The following KASH5 variants were observed in gnomAD, a reference collection of about 807,000 sequenced individuals.
The protein encoded by KASH5 is protein KASH5.
Under a neutral mutation model 84.2 loss-of-function variants are expected in KASH5, and 72 were observed. The observed-to-expected ratio is 0.85, with a 90% confidence interval of 0.71 to 1.04. The LOEUF (loss-of-function observed/expected upper bound fraction) is 1.04. Ranked by LOEUF, KASH5 falls within the 50% of genes least tolerant of loss-of-function variation. KASH5 has a pLI of 0.00. For synonymous variants in KASH5, 260 were observed against 279.1 expected, an observed-to-expected ratio of 0.93 and a Z score of 0.68; for missense variants, 650 against 701.0, an observed-to-expected ratio of 0.93 and a Z score of 0.82.
At chr19:49,406,826 C>T in intron 9 of KASH5, 60 bp from the exon 10 acceptor site, 1 of 1,424,928 alleles carries the variant, frequency 7.0e-7, no homozygotes, top group Non-Finnish European at 9.7e-7. Context: ...CAAATATCTG[C>T]TGTTAATTTT....
intron 12 of KASH5, among the ~76,000 whole-genome samples, chr19:49,408,666 T>C (rs564186966): frequency 2.6e-5 from 4 of 152,314 alleles, no homozygotes; most frequent in South Asian, 4.1e-4. Context: ...GCCAGGATGG[T>C]CTCGATCTCC....
Position 49,399,328 on chromosome 19 carries a change from C to T in KASH5, c.748-129C>T. Reference sequence around the variant, plus strand: ...ATCCTTCTCATGACAAAGGAGACAGCAGGAGCCATCAGGGCTTCCCAGACC... The same window carrying T: ...ATCCTTCTCATGACAAAGGAGACAGTAGGAGCCATCAGGGCTTCCCAGACC... On this transcript the variant is annotated intron_variant, in intron 8 of 19. Transcript: ENST00000447857. This position sits in a 1 kb window ranked among gnomAD's most constrained non-coding sequence, Gnocchi z 4.4. The T allele has an allele frequency of 1.0e-6, 1 of 1,000,296 alleles. No individual in the cohort carries two copies. The highest frequency in any genetic ancestry group is 1.5e-6 in the Non-Finnish European group (1 of 667,006). The allele number at this position is 1,000,296 out of a possible 1,614,324, so 62.0% of individuals were successfully genotyped here.
chr19:49,397,756 C>T (rs1181694467), intron 6 of KASH5, 39 bp downstream of exon 6: 25 of 1,601,090 alleles, frequency 1.6e-5, no homozygotes, highest in Admixed American at 3.4e-5. Context: ...CTCCTGCCCA[C>T]ACCCTGTCCC....
intron 9 of KASH5, among the ~76,000 whole-genome samples, chr19:49,401,164 G>T (rs932964999): frequency 6.6e-6 from 1 of 152,154 alleles, no homozygotes; most frequent in Non-Finnish European, 1.5e-5. Context: ...TCTGGGCTGG[G>T]ACTCTTACTC....
intron 17 of KASH5, chr19:49,415,510 T>C (rs1600962220): frequency 4.8e-6 from 1 of 207,690 alleles, no homozygotes. Context: ...TAAGGAGAGG[T>C]GAGGAGCCCT....
chr19:49,415,058 C>T (rs1469869387), intron 17 of KASH5, 62 bp downstream of exon 17: 27 of 1,483,000 alleles, frequency 1.8e-5, no homozygotes, highest in South Asian at 9.5e-5. Context: ...GAGGCTGAGT[C>T]GTTTCAACTC....
chr19:49,394,590 G>C lies in KASH5; in HGVS notation c.148+10G>C. On this transcript the variant is annotated intron_variant, in intron 3 of 19. Transcript: ENST00000447857. ...GACCCTCAGAGGACAGGTGGTGGGG[G>C]CATGAGGGGTGCTGGGGACCAGTGC... is the stretch of plus-strand genomic sequence containing the variant. 1 of 1,605,074 alleles carries C rather than the reference G, an allele frequency of 6.2e-7. No homozygotes were observed. Among genetic ancestry groups the C allele is most frequent in the African/African-American group, 1.3e-5 (1 of 74,836 alleles).
intron 15 of KASH5, among the ~76,000 whole-genome samples, chr19:49,411,421 G>A (rs1452301230): frequency 6.6e-6 from 1 of 152,138 alleles, no homozygotes; most frequent in Non-Finnish European, 1.5e-5. Flanking sequence ...ACCAGAGCTT[G>A]TTTGGGTTCT....
chr19:49,402,253 GAAAAGA>G (rs1974385373), intron 9 of KASH5, among the ~76,000 whole-genome samples: 1 of 149,202 alleles, frequency 6.7e-6, no homozygotes, highest in South Asian at 2.1e-4. Flanking sequence ...AAAAAAAAAG[GAAAAGA>G]AAAACTTTCC....
At chr19:49,401,897 A>G (rs73068859) in intron 9 of KASH5, among the ~76,000 whole-genome samples, 30,877 of 152,182 alleles carry the variant, frequency 0.2, 3,493 homozygotes, top group Non-Finnish European at 0.25. Flanking sequence ...ACCATGTGAG[A>G]CATGGAATGC....
chr19:49,415,021 C>T (rs755810306), intron 17 of KASH5, 25 bp downstream of exon 17: 1 of 1,603,094 alleles, frequency 6.2e-7, no homozygotes, highest in Non-Finnish European at 8.5e-7. Context: ...GCACCCCTCC[C>T]CAGTCCCCAT....
At chr19:49,415,045 A>C in intron 17 of KASH5, 49 bp downstream of exon 17, 2 of 1,548,220 alleles carry the variant, frequency 1.3e-6, no homozygotes, top group Non-Finnish European at 1.8e-6. Flanking sequence ...CTCCACACCC[A>C]CAGAGGCTGA....
At chr19:49,392,118 G>T (rs766408458) in intron 2 of KASH5, among the ~76,000 whole-genome samples, 9 of 152,248 alleles carry the variant, frequency 5.9e-5, no homozygotes, top group Admixed American at 1.3e-4. Context: ...ACAGCTTCGA[G>T]AGGCTCTGGA....
At chr19:49,391,944 T>C (rs749447458) in intron 2 of KASH5, among the ~76,000 whole-genome samples, 1 of 152,138 alleles carries the variant, frequency 6.6e-6, no homozygotes, top group Non-Finnish European at 1.5e-5. Context: ...CTGCGTCTTT[T>C]TCTACAAAGC....
At chr19:49,408,862 A>G in intron 12 of KASH5, 105 bp from the exon 13 acceptor site, 1 of 1,196,426 alleles carries the variant, frequency 8.4e-7, no homozygotes, top group Non-Finnish European at 1.2e-6. Context: ...GGGGAGCCCA[A>G]AGTAGTCAGG....
intron 14 of KASH5, 109 bp from the exon 15 acceptor site, chr19:49,409,644 C>G (rs1422260500): frequency 3.6e-6 from 5 of 1,403,344 alleles, no homozygotes; most frequent in Non-Finnish European, 4.0e-6. Context: ...CAGCCCTTTT[C>G]TATCTCTCAT....
chr19:49,413,905 G>A (rs543704865), intron 16 of KASH5, among the ~76,000 whole-genome samples: 2 of 152,048 alleles, frequency 1.3e-5, no homozygotes, highest in Non-Finnish European at 2.9e-5. Context: ...ATCCTTTATC[G>A]CGTGGGAGCA....
In KASH5 at chr19:49,409,791, G is replaced by C. The variant is rs181055769; in HGVS notation, c.1185G>C (p.Leu395=). 1,306 of 1,613,986 alleles carry C rather than the reference G, an allele frequency of 8.1e-4. 15 individuals are homozygous for C. The African/African-American group carries it at 0.015, about 19-fold the overall frequency. ...CAACTGCTGATCTCTCCAACCCTCTGTGTGGGGTGTGGCAGTGGGAGGAAG... is the reference window on the plus strand; with the variant it reads ...CAACTGCTGATCTCTCCAACCCTCTCTGTGGGGTGTGGCAGTGGGAGGAAG... ...EVATADLSNP[L]CGVWQWEEVI... The change falls in exon 15 of 20, where the codon CTG becomes CTC. Residue 395 remains leucine (L), a synonymous_variant. Coordinates refer to ENST00000447857, the MANE Select transcript of KASH5 (RefSeq NM_144688.5).
In KASH5 at chr19:49,408,967, G is replaced by A. The variant is rs1974620653; in HGVS notation, c.994G>A (p.Glu332Lys). ...TLEEYRVTTQ[E>K]LRLEISRLEE... The stretch of plus-strand genomic sequence containing the variant: ...GTGCTCCCCACTTCCTCCTTTGCAG[G>A]AACTGAGGCTGGAGATTTCACGCCT... The change falls in exon 13 of 20, where the codon GAA becomes AAA. Residue 332 changes from glutamate (E) to lysine (K), a missense_variant and splice_region_variant. By Grantham distance (56) the Glu-to-Lys change is moderately conservative (BLOSUM62 1). Coordinates refer to ENST00000447857, the MANE Select transcript of KASH5 (RefSeq NM_144688.5). 1.9e-6 allele frequency: 3 copies of A among 1,581,088 alleles called. No individual in the cohort carries two copies. Among genetic ancestry groups the A allele is most frequent in the Non-Finnish European group, 2.6e-6 (3 of 1,163,686 alleles).
Sources: gnomAD v4.1 joint callset for allele counts (sites outside exome capture counted in the v4.1 genomes callset) on GRCh38, gnomAD v4.1.1 for gene constraint, Gnocchi (gnomAD v3.1) non-coding constraint, MANE v1.5 for transcripts, NCBI Gene and HGNC (gene_info 2026-07-23, HGNC 2026-07-21) for gene names.